Variants in LRRC1 observed in about 807,000 individuals in gnomAD.
The protein encoded by LRRC1 is leucine-rich repeat-containing protein 1.
Under a neutral mutation model 69.9 loss-of-function variants are expected in LRRC1, and 28 were observed. That is an observed-to-expected ratio of 0.40 (90% CI 0.30 to 0.55). The LOEUF (loss-of-function observed/expected upper bound fraction) is 0.55. Among genes scored for constraint, LRRC1 ranks in the 20% least tolerant of loss-of-function variants. LRRC1 has a pLI of 0.47. For missense variants in LRRC1, 498 were observed against 609.0 expected (o/e 0.82, Z 1.92); for synonymous variants, 236 against 240.2 (o/e 0.98, Z 0.16).
intron 10 of LRRC1, among the ~76,000 whole-genome samples, chr6:53,907,557 AT>A (rs1372294319): frequency 6.6e-6 from 1 of 152,134 alleles, no homozygotes; most frequent in Non-Finnish European, 1.5e-5. Flanking sequence ...TGTTTTCTTA[AT>A]TGTTAGCTGC....
At chr6:53,901,664 T>C (rs961381706) in intron 8 of LRRC1, among the ~76,000 whole-genome samples, 7 of 152,224 alleles carry the variant, frequency 4.6e-5, no homozygotes, top group African/African-American at 1.7e-4. Flanking sequence ...GCCAGGAGAC[T>C]TCTCTGTTGG....
At position 53,878,958 on chromosome 6, in the gene LRRC1, G is replaced by A. The variant is rs527366406; in HGVS notation, c.278-35G>A. The A allele has an allele frequency of 4.5e-6, 6 of 1,341,706 alleles. No homozygotes were observed. In the South Asian group the frequency reaches 4.8e-5, roughly 11 times the overall value. The allele number at this position is 1,341,706 out of a possible 1,614,324, so 83.1% of individuals were successfully genotyped here. A position where few individuals can be genotyped will look rare whatever the true frequency, so the allele number is the denominator to read the frequency against. On this transcript the variant is annotated intron_variant, in intron 2 of 13. Transcript: ENST00000370888. ...AGAGTGATGAAAACTGTTAATAATG[G>A]TGGCAAATTATAGACATTTTCTCTA... is the stretch of plus-strand genomic sequence containing the variant.
chr6:53,879,105 G>A (rs1250789148), intron 3 of LRRC1, 34 bp downstream of exon 3: 5 of 1,473,678 alleles, frequency 3.4e-6, no homozygotes, highest in Non-Finnish European at 4.7e-6. Flanking sequence ...GTCTATACTA[G>A]TAAGAGTATC....
At chr6:53,856,138 A>G (rs1766301333) in intron 2 of LRRC1, among the ~76,000 whole-genome samples, 1 of 152,270 alleles carries the variant, frequency 6.6e-6, no homozygotes, top group Non-Finnish European at 1.5e-5. Flanking sequence ...TTCATTATGA[A>G]TAGCACAGCA....
At chr6:53,836,385 G>A (rs1016986795) in intron 1 of LRRC1, among the ~76,000 whole-genome samples, 12 of 152,186 alleles carry the variant, frequency 7.9e-5, no homozygotes, top group Non-Finnish European at 1.6e-4. Flanking sequence ...GCAACCTTGA[G>A]ATGATTAAAG....
At chr6:53,874,510 G>A (rs1181317390) in intron 2 of LRRC1, among the ~76,000 whole-genome samples, 2 of 152,116 alleles carry the variant, frequency 1.3e-5, no homozygotes, top group African/African-American at 4.8e-5. Flanking sequence ...ATTTGACCAT[G>A]CAAGGCAGAA....
rs11550731 is a variant in LRRC1 at position 53,795,222 on chromosome 6, G to C, written c.-35G>C. 8 of 1,565,878 alleles carry C rather than the reference G, an allele frequency of 5.1e-6. No homozygotes were observed. Among genetic ancestry groups the C allele is most frequent in the Middle Eastern group, 2.0e-4 (1 of 4,912 alleles). The stretch of plus-strand genomic sequence containing the variant: ...CGGGCTCGGAGCCCGGGTCTCCGCC[G>C]CTCGGGACCCGGCTAGGCGGCGGCG... On this transcript the variant is annotated 5_prime_UTR_variant, in exon 1 of 14. Coordinates refer to ENST00000370888, the MANE Select transcript of LRRC1 (RefSeq NM_018214.5).
Position 53,802,247 on chromosome 6 carries a change from C to T in LRRC1, c.159+6832C>T, listed in dbSNP as rs542069934. Among the ~76,000 whole-genome samples, 159 of 152,200 alleles carry T rather than the reference C, an allele frequency of 1.0e-3. 1 individual carries two copies. The highest frequency in any genetic ancestry group is 1.4e-3 in the Non-Finnish European group (94 of 67,986). ...TGTTTCTAGAAAGATCATTCTGGGGCAGAGGAGAGAATAGAGTCCGGGAGA... is the reference window on the plus strand; with the variant it reads ...TGTTTCTAGAAAGATCATTCTGGGGTAGAGGAGAGAATAGAGTCCGGGAGA... On this transcript the variant is annotated intron_variant, in intron 1 of 13. Transcript: ENST00000370888.
At chr6:53,914,305 C>G (rs939819940) in intron 11 of LRRC1, among the ~76,000 whole-genome samples, 1 of 152,092 alleles carries the variant, frequency 6.6e-6, no homozygotes, top group Non-Finnish European at 1.5e-5. Flanking sequence ...TTCTAAGTAG[C>G]TTTTGTAAAT....
chr6:53,800,050 A>G (rs1764423493), intron 1 of LRRC1, among the ~76,000 whole-genome samples: 1 of 152,094 alleles, frequency 6.6e-6, no homozygotes, highest in Non-Finnish European at 1.5e-5. Context: ...CAGATAGTTC[A>G]AAATGCTGCC....
Position 53,922,683 on chromosome 6 carries a change from A to T in LRRC1, c.1465A>T (p.Met489Leu), listed in dbSNP as rs200754582. 2.9e-5 allele frequency: 47 copies of T among 1,614,176 alleles called. 1 individual carries two copies. The African/African-American group carries it at 3.3e-4, about 11-fold the overall frequency. Residue 489 changes from methionine (M) to leucine (L), a missense_variant, in exon 14 of 14, where the codon ATG (methionine) becomes TTG (leucine). Around this residue, in one of 3 missense-constraint regions of LRRC1, gnomAD observed 162 missense variants for 162.9 expected, o/e 0.99. Coordinates refer to ENST00000370888, the MANE Select transcript of LRRC1 (RefSeq NM_018214.5). Reference sequence around the variant, plus strand: ...TCCACACCCAGGGGAGTTAAAGCACATGAAAAAGACAGTGGAGAATTTACG... The same window carrying T: ...TCCACACCCAGGGGAGTTAAAGCACTTGAAAAAGACAGTGGAGAATTTACG... The part of the protein sequence containing the change: ...ATPHPGELKH[M>L]KKTVENLRND...
chr6:53,908,233 T>C (rs993077004), intron 10 of LRRC1, among the ~76,000 whole-genome samples: 1 of 152,186 alleles, frequency 6.6e-6, no homozygotes, highest in Non-Finnish European at 1.5e-5. Context: ...TATCCAAGTT[T>C]AGGGTCCTGT....
chr6:53,826,316 T>A (rs1028403418), intron 1 of LRRC1, among the ~76,000 whole-genome samples: 2 of 152,004 alleles, frequency 1.3e-5, no homozygotes, highest in Non-Finnish European at 2.9e-5. Context: ...TAGAGCCTAA[T>A]TTTGGTTTAT....
rs901697855 is a variant in LRRC1, at chr6:53,923,446, G to A, written c.*653G>A. The A allele has an allele frequency of 6.6e-6, 1 of 152,650 alleles. No homozygotes were observed. Among genetic ancestry groups the A allele is most frequent in the African/African-American group, 2.4e-5 (1 of 41,448 alleles). The allele number at this position is 152,650 out of a possible 1,614,324, so 9.5% of individuals were successfully genotyped here. A position where few individuals can be genotyped will look rare whatever the true frequency, so the allele number is the denominator to read the frequency against. Reference sequence around the variant, plus strand: ...TTGTAAACAATGGCATCTTTGAACAGTGTGATGAGAATAGGAATGTGGTGT... The same window carrying A: ...TTGTAAACAATGGCATCTTTGAACAATGTGATGAGAATAGGAATGTGGTGT... On this transcript the variant is annotated 3_prime_UTR_variant, in exon 14 of 14. Transcript: ENST00000370888.
At position 53,867,989 on chromosome 6, in the gene LRRC1, A is replaced by G. The variant is rs1010712558; in HGVS notation, c.278-11004A>G. Among the ~76,000 whole-genome samples the G allele has an allele frequency of 4.0e-5, 6 of 151,666 alleles. No homozygotes were observed. In the East Asian group the frequency reaches 1.2e-3, roughly 29 times the overall value. ...AAAAAAAATTTTTTTGTTTCACCTT[A>G]TGTAAAAGCTTGAACTGAGTGTTGG... On this transcript the variant is annotated intron_variant, in intron 2 of 13. Coordinates refer to ENST00000370888, the MANE Select transcript of LRRC1 (RefSeq NM_018214.5).
intron 1 of LRRC1, among the ~76,000 whole-genome samples, chr6:53,813,280 G>A (rs1764849588): frequency 6.6e-6 from 1 of 151,928 alleles, no homozygotes; most frequent in Admixed American, 6.6e-5. Context: ...GTGTGGATTG[G>A]AGGGGTGTGG....
At chr6:53,795,831 G>T (rs544927900) in intron 1 of LRRC1, among the ~76,000 whole-genome samples, 1 of 152,308 alleles carries the variant, frequency 6.6e-6, no homozygotes, top group South Asian at 2.1e-4. Context: ...ACCAAGGGCC[G>T]GGCGCGCCTC....
At chr6:53,879,432 C>T (rs1226926242) in intron 3 of LRRC1, among the ~76,000 whole-genome samples, 2 of 152,092 alleles carry the variant, frequency 1.3e-5, no homozygotes, top group African/African-American at 2.4e-5. Flanking sequence ...ACTACAGGCA[C>T]CCGCCACCAT....
intron 4 of LRRC1, among the ~76,000 whole-genome samples, chr6:53,890,425 T>C: frequency 6.6e-6 from 1 of 152,172 alleles, no homozygotes; most frequent in Non-Finnish European, 1.5e-5. Context: ...TGATTTTATG[T>C]CTGCTGAGTC....
Sources: allele counts gnomAD v4.1 joint callset (sites outside exome capture counted in the v4.1 genomes callset), GRCh38; gene constraint gnomAD v4.1.1; regional missense constraint gnomAD v4.1.1; transcripts MANE v1.5; gene names NCBI Gene and HGNC (gene_info 2026-07-23, HGNC 2026-07-21).